MRPL32: variants seen among roughly 807,000 people sequenced by gnomAD.
MRPL32 encodes mitochondrial ribosomal protein L32, also known as large ribosomal subunit protein bL32m.
Under a neutral mutation model 21.7 loss-of-function variants are expected in MRPL32, and 14 were observed. The ratio of observed to expected loss-of-function variants is 0.64; its 90% CI spans 0.43 to 1.01. The LOEUF is 1.01. MRPL32 is among the 50% of genes least tolerant of loss of function. The pLI is 0.00. For missense variants in MRPL32, 211 were observed against 235.9 expected, an observed-to-expected ratio of 0.89 and a Z score of 0.69; for synonymous variants, 83 against 87.7, an observed-to-expected ratio of 0.95 and a Z score of 0.30.
chr7:42,932,629 T>A, intron 1 of MRPL32, 113 bp downstream of exon 1: 1 of 1,196,756 alleles, frequency 8.4e-7, no homozygotes, highest in Non-Finnish European at 1.1e-6. Flanking sequence ...CGCGGCCTCA[T>A]GTCGGGGACG....
At chr7:42,936,545 G>A (rs1786426601) in intron 2 of MRPL32, 1 of 151,864 alleles carries the variant, frequency 6.6e-6, no homozygotes, top group South Asian at 2.1e-4. Context: ...AGTGTTTAAA[G>A]CTTCTTTAAT....
intron 2 of MRPL32, 81 bp from the exon 3 acceptor site, chr7:42,937,241 T>C (rs1024279698): frequency 1.9e-6 from 3 of 1,610,732 alleles, no homozygotes; most frequent in African/African-American, 2.7e-5. Flanking sequence ...AAAGTTAAAA[T>C]GTAAGCATTG....
At position 42,932,393 on chromosome 7, in the gene MRPL32, C is replaced by T. The variant is rs773260503; in HGVS notation, c.7C>T (p.Leu3=). ...CGGTCTTCCAGCAGGGAAAATGGCG[C>T]TGGCCATGCTGGTCTTGGTGGTTTC... MA[L]AMLVLVVSPW... is the part of the protein sequence containing the mutation. The change falls in exon 1 of 3, where the codon CTG becomes TTG. Residue 3 remains leucine, a synonymous_variant. Coordinates refer to ENST00000223324, the MANE Select transcript of MRPL32 (RefSeq NM_031903.3). The T allele has an allele frequency of 7.5e-6, 12 of 1,608,082 alleles. No individual in the cohort carries two copies. In the South Asian group the frequency reaches 1.3e-4, roughly 18 times the overall value.
chr7:42,932,401 G>C lies in MRPL32; in HGVS notation c.15G>C (p.Met5Ile), dbSNP rs753883904. ...CAGCAGGGAAAATGGCGCTGGCCAT[G>C]CTGGTCTTGGTGGTTTCGCCGTGGT... MALA[M>I]LVLVVSPWSA... The change falls in exon 1 of 3, where the codon ATG becomes ATC. Residue 5 changes from methionine (M) to isoleucine (I), a missense_variant. By Grantham distance (10) the Met-to-Ile change is conservative (BLOSUM62 1). Transcript: ENST00000223324. The C allele has an allele frequency of 3.7e-6, 6 of 1,610,224 alleles. No homozygotes were observed. Among genetic ancestry groups the C allele is most frequent in the South Asian group, 1.1e-5 (1 of 91,020 alleles).
intron 1 of MRPL32, 58 bp downstream of exon 1, chr7:42,932,574 A>G (rs927154635): frequency 3.6e-5 from 54 of 1,515,206 alleles, no homozygotes; most frequent in Non-Finnish European, 4.7e-5. Context: ...CGGGCAGCGT[A>G]GCAGACGCAG....
In MRPL32 at chr7:42,937,462, TC is replaced by T. The variant is rs761975845; in HGVS notation, c.456del (p.Thr153ProfsTer2). On this transcript the variant is annotated frameshift_variant, in exon 3 of 3. Transcript: ENST00000223324. LOFTEE classifies it high-confidence loss of function. ...GKQEGGPFKA[P>X]TIETVVLYTG... ...AGCAAGAAGGGGGCCCTTTTAAGGC[TC>T]CCACCATAGAGACTGTGGTGCTGTA... The T allele has an allele frequency of 1.4e-5, 23 of 1,613,710 alleles. No individual in the cohort carries two copies. In the African/African-American group the frequency reaches 3.1e-4, roughly 22 times the overall value.
At position 42,932,491 on chromosome 7, in the gene MRPL32, G is replaced by A. The variant is rs1786338113; in HGVS notation, c.105G>A (p.Arg35=). The stretch of plus-strand genomic sequence containing the variant: ...TGCTACGGAAGCTTCCGCAGAGCCG[G>A]CCGGGCTTTCCCAGTCCTCCGTGGG... ...ERLLRKLPQS[R]PGFPSPPWGP... is the part of the protein sequence containing the mutation. The change falls in exon 1 of 3, where the codon CGG becomes CGA. Residue 35 remains arginine, a synonymous_variant. Coordinates refer to ENST00000223324, the MANE Select transcript of MRPL32 (RefSeq NM_031903.3). 1 of 1,610,426 alleles carries A rather than the reference G, an allele frequency of 6.2e-7. No homozygotes were observed. Among genetic ancestry groups the A allele is most frequent in the Non-Finnish European group, 8.5e-7 (1 of 1,177,252 alleles).
Position 42,932,600 on chromosome 7 carries a change from C to G in MRPL32, c.130+84C>G, listed in dbSNP as rs565231612. ...GCAGACGCAGCTTACACAGTTCGCC[C>G]TCAGCCCCGGTTCTGATCCGCGGCC... On this transcript the variant is annotated intron_variant, in intron 1 of 2. Coordinates refer to ENST00000223324, the MANE Select transcript of MRPL32 (RefSeq NM_031903.3). 3.7e-3 allele frequency: 5,281 copies of G among 1,422,262 alleles called. 56 individuals carry two copies. Among genetic ancestry groups the G allele is most frequent in the Non-Finnish European group, 3.3e-3 (3,491 of 1,072,144 alleles). The allele number at this position is 1,422,262 out of a possible 1,614,324, so 88.1% of individuals were successfully genotyped here.
chr7:42,934,530 C>A (rs1390720229), intron 1 of MRPL32, among the ~76,000 whole-genome samples: 1 of 152,172 alleles, frequency 6.6e-6, no homozygotes, highest in Non-Finnish European at 1.5e-5. Context: ...TTGGCAGTTA[C>A]ATCAGTGCCG....
Position 42,937,761 on chromosome 7 carries a change from A to ATTGAGCCTTTGGAT in MRPL32, c.*185_*186insTTGAGCCTTTGGAT. On this transcript the variant is annotated 3_prime_UTR_variant, in exon 3 of 3. Coordinates refer to ENST00000223324, the MANE Select transcript of MRPL32 (RefSeq NM_031903.3). ...TAAACTCCGAAAATTTTGTTTATCC[A>ATTGAGCCTTTGGAT]AAGGCTCAATGGATTATGTTTCTAT... The ATTGAGCCTTTGGAT allele has an allele frequency of 1.9e-6, 1 of 524,588 alleles. No individual in the cohort carries two copies. The highest frequency in any genetic ancestry group is 3.2e-6 in the Non-Finnish European group (1 of 313,228). The allele number at this position is 524,588 out of a possible 1,614,324, so 32.5% of individuals were successfully genotyped here. A position where few individuals can be genotyped will look rare whatever the true frequency, so the allele number is the denominator to read the frequency against.
intron 1 of MRPL32, 118 bp from the exon 2 acceptor site, chr7:42,934,837 A>T: frequency 1.6e-6 from 1 of 634,302 alleles, no homozygotes; most frequent in Non-Finnish European, 2.4e-6. Flanking sequence ...TCTAAATTTT[A>T]TATATAGTTT....
chr7:42,935,152 T>A lies in MRPL32; in HGVS notation c.312+16T>A. 1 of 1,601,358 alleles carries A rather than the reference T, an allele frequency of 6.2e-7. No individual in the cohort carries two copies. The highest frequency in any genetic ancestry group is 8.5e-7 in the Non-Finnish European group (1 of 1,173,988). ...TAAAGTTAAGGTAATGCATTGATTT[T>A]TGTGGGTGTGCTTTTCCTCAAGTCC... On this transcript the variant is annotated intron_variant, in intron 2 of 2. Transcript: ENST00000223324.
rs750022230 is a variant in MRPL32 at position 42,932,564 on chromosome 7, C to T, written c.130+48C>T. 3.1e-5 allele frequency: 47 copies of T among 1,539,658 alleles called. 1 individual carries two copies. Among genetic ancestry groups the T allele is most frequent in the African/African-American group, 1.4e-5 (1 of 73,022 alleles). On this transcript the variant is annotated intron_variant, in intron 1 of 2. Transcript: ENST00000223324. The stretch of plus-strand genomic sequence containing the variant: ...GGAGAGGGGGCTGATGACGGGACCT[C>T]GGGCAGCGTAGCAGACGCAGCTTAC...
At chr7:42,933,457 C>T (rs1228167165) in intron 1 of MRPL32, among the ~76,000 whole-genome samples, 1 of 151,708 alleles carries the variant, frequency 6.6e-6, no homozygotes, top group African/African-American at 2.4e-5. Context: ...CCTCCCCTCC[C>T]GCTTCCCCTC....
chr7:42,933,049 C>CA (rs1325541831), intron 1 of MRPL32, among the ~76,000 whole-genome samples: 1 of 152,152 alleles, frequency 6.6e-6, no homozygotes, highest in Non-Finnish European at 1.5e-5. Context: ...GACAAAGGCC[C>CA]TATCCTTCCT....
chr7:42,932,739 T>G (rs548875616), intron 1 of MRPL32, among the ~76,000 whole-genome samples: 1 of 151,766 alleles, frequency 6.6e-6, no homozygotes, highest in Non-Finnish European at 1.5e-5. Context: ...CTTGTTCCAT[T>G]CGTACACAGA....
Position 42,937,797 on chromosome 7 carries a change from G to T in MRPL32, c.*221G>T, listed in dbSNP as rs1486758393. ...GGATTATGTTTCTATTATATACAAG[G>T]TTTTAAGTAAACATAAAATTTCCAG... On this transcript the variant is annotated 3_prime_UTR_variant, in exon 3 of 3. Transcript: ENST00000223324. 1.1e-5 allele frequency: 4 copies of T among 372,414 alleles called. No individual in the cohort carries two copies. The East Asian group carries it at 1.6e-4, about 15-fold the overall frequency. 23.1% of individuals were successfully genotyped at this position (372,414 alleles called of 1,614,324 possible). A position where few individuals can be genotyped will look rare whatever the true frequency, so the allele number is the denominator to read the frequency against.
rs770491042 is a variant in MRPL32, at chr7:42,935,154, G to C, written c.312+18G>C. 10 of 1,600,022 alleles carry C rather than the reference G, an allele frequency of 6.2e-6. No individual in the cohort carries two copies. The highest frequency in any genetic ancestry group is 8.5e-6 in the Non-Finnish European group (10 of 1,173,368). On this transcript the variant is annotated intron_variant, in intron 2 of 2. Transcript: ENST00000223324. ...AAGTTAAGGTAATGCATTGATTTTTGTGGGTGTGCTTTTCCTCAAGTCCTC... is the reference window on the plus strand; with the variant it reads ...AAGTTAAGGTAATGCATTGATTTTTCTGGGTGTGCTTTTCCTCAAGTCCTC...
At chr7:42,935,599 G>C (rs1786410439) in intron 2 of MRPL32, 1 of 152,914 alleles carries the variant, frequency 6.5e-6, no homozygotes, top group Non-Finnish European at 1.5e-5. Flanking sequence ...AAAACCCTAA[G>C]ATAAGTAATA....
Sources: allele counts gnomAD v4.1 joint callset (sites outside exome capture counted in the v4.1 genomes callset), GRCh38; gene constraint gnomAD v4.1.1; transcripts MANE v1.5; gene names NCBI Gene and HGNC (gene_info 2026-07-23, HGNC 2026-07-21).